The following DOCK8 variants were observed in gnomAD, a reference collection of about 807,000 sequenced individuals.
The protein encoded by DOCK8 is dedicator of cytokinesis protein 8.
A neutral mutation model predicts 245.6 loss-of-function variants in DOCK8; 141 were observed. The ratio of observed to expected loss-of-function variants is 0.57; its 90% confidence interval spans 0.50 to 0.66. The LOEUF (loss-of-function observed/expected upper bound fraction) is 0.66. DOCK8 is among the 30% of genes least tolerant of loss of function. DOCK8 has a pLI of 0.00. For synonymous variants in DOCK8, 1,168 were observed against 970.2 expected, an observed-to-expected ratio of 1.20 and a Z score of -3.79; for missense variants, 2,965 against 2,603.4, an observed-to-expected ratio of 1.14 and a Z score of -3.02.
chr9:260,557 AC>A (rs1297391619), intron 1 of DOCK8, among the ~76,000 whole-genome samples: 3 of 152,206 alleles, frequency 2.0e-5, no homozygotes, highest in African/African-American at 7.2e-5. Context: ...AAACACTTTC[AC>A]CCAGCAATTC....
At chr9:261,712 T>G (rs113503206) in intron 1 of DOCK8, among the ~76,000 whole-genome samples, 1 of 152,182 alleles carries the variant, frequency 6.6e-6, no homozygotes, top group East Asian at 1.9e-4. Context: ...TTATTGTAGT[T>G]GTGGATGTAA....
intron 28 of DOCK8, among the ~76,000 whole-genome samples, chr9:412,469 A>G (rs779881662): frequency 1.6e-4 from 25 of 152,138 alleles, no homozygotes; most frequent in Non-Finnish European, 3.2e-4. Context: ...AAAGAAGTAA[A>G]ACTATCTCTA....
intron 42 of DOCK8, among the ~76,000 whole-genome samples, chr9:442,293 C>T (rs151085368): frequency 1.3e-5 from 2 of 152,324 alleles, no homozygotes; most frequent in African/African-American, 2.4e-5. Flanking sequence ...AAAATTCAAT[C>T]AAGGTCATGT....
chr9:271,857 CTG>C (rs2048173206), intron 2 of DOCK8, 128 bp downstream of exon 2: 1 of 689,176 alleles, frequency 1.5e-6, no homozygotes, highest in Non-Finnish European at 2.5e-6. Flanking sequence ...GATCCTAACT[CTG>C]TGACTGTGTC....
chr9:214,672 GC>G, upstream of DOCK8: 1 of 1,593,244 alleles, frequency 6.3e-7, no homozygotes, highest in East Asian at 2.3e-5. Context: ...GAGGTCGGCG[GC>G]CCCGGGCAGA....
rs992546492 is a variant in DOCK8 at position 215,193 on chromosome 9, C to T, written c.53+164C>T. The stretch of plus-strand genomic sequence containing the variant: ...GTTCCCGAGGCTGCGGCGGTGGAGC[C>T]GCTGGACGCGCGGCGGCTCCTGCGC... On this transcript the variant is annotated intron_variant, in intron 1 of 47. Coordinates refer to ENST00000432829, the MANE Select transcript of DOCK8 (RefSeq NM_203447.4). 5 of 1,516,020 alleles carry T rather than the reference C, an allele frequency of 3.3e-6. No homozygotes were observed. In the Middle Eastern group the frequency reaches 5.3e-4, roughly 161 times the overall value. The allele number at this position is 1,516,020 out of a possible 1,614,324, so 93.9% of individuals were successfully genotyped here. A position where few individuals can be genotyped will look rare whatever the true frequency, so the allele number is the denominator to read the frequency against.
chr9:433,999 G>A (rs2056808309), intron 38 of DOCK8, 24 bp downstream of exon 38: 1 of 1,548,922 alleles, frequency 6.5e-7, no homozygotes, highest in Non-Finnish European at 8.9e-7. Flanking sequence ...ACACACTCAA[G>A]GGACACCATT....
chr9:328,444 T>G (rs892930514), intron 9 of DOCK8, among the ~76,000 whole-genome samples: 2 of 152,254 alleles, frequency 1.3e-5, no homozygotes, highest in South Asian at 4.1e-4. Context: ...TTTCTGAGAC[T>G]GAGTTTCCTC....
intron 2 of DOCK8, among the ~76,000 whole-genome samples, chr9:274,465 C>CT (rs71312800): frequency 1.0e-3 from 146 of 145,020 alleles, no homozygotes; most frequent in African/African-American, 2.6e-3. Flanking sequence ...GGATTGAATT[C>CT]TTTTTTTTTT....
At chr9:367,968 A>G in intron 14 of DOCK8, 50 bp from the exon 15 acceptor site, 1 of 1,483,522 alleles carries the variant, frequency 6.7e-7, no homozygotes, top group Non-Finnish European at 9.4e-7. Flanking sequence ...GAACTTAGTT[A>G]AAATAAACTC....
In DOCK8 at chr9:368,452, C is replaced by T. The variant is rs2053119612; in HGVS notation, c.1797+317C>T. The T allele has an allele frequency of 1.3e-5, 8 of 609,838 alleles. No individual in the cohort carries two copies. The South Asian group carries it at 1.4e-4, about 10-fold the overall frequency. The allele number at this position is 609,838 out of a possible 1,614,324, so 37.8% of individuals were successfully genotyped here. ...AAAGGCATACAAAGTAAAGAGATGG[C>T]TCAACACGTGCGCCATGTTTGCTGA... On this transcript the variant is annotated intron_variant, in intron 15 of 47. Coordinates refer to ENST00000432829, the MANE Select transcript of DOCK8 (RefSeq NM_203447.4).
At chr9:219,203 C>T (rs551283144) in intron 1 of DOCK8, among the ~76,000 whole-genome samples, 31 of 152,352 alleles carry the variant, frequency 2.0e-4, no homozygotes, top group African/African-American at 7.5e-4. Context: ...GGTGCACTGG[C>T]TCACGCCTGT....
rs572086908 is a variant in DOCK8, at chr9:218,056, A to G, written c.53+3027A>G. On this transcript the variant is annotated intron_variant, in intron 1 of 47. Coordinates refer to ENST00000432829, the MANE Select transcript of DOCK8 (RefSeq NM_203447.4). ...TCTGTTTCTGATTAGTGTTTAATAT[A>G]TAAACATTAACAATGTGATGTTTTG... 1.4e-4 allele frequency among the ~76,000 whole-genome samples: 21 copies of G among 152,330 alleles called. No homozygotes were observed. In the South Asian group the frequency reaches 2.7e-3, roughly 20 times the overall value.
Position 335,792 on chromosome 9 carries a change from G to T in DOCK8, c.1286-790G>T, listed in dbSNP as rs2051280926. On this transcript the variant is annotated intron_variant, in intron 11 of 47. Coordinates refer to ENST00000432829, the MANE Select transcript of DOCK8 (RefSeq NM_203447.4). ...AGATGTCATGTATTATACTGAGGCA[G>T]AATGGCAAGTTTAGGTGGGTAGAGG... Among the ~76,000 whole-genome samples the T allele has an allele frequency of 2.6e-5, 4 of 152,302 alleles. No individual in the cohort carries two copies. In the South Asian group the frequency reaches 8.3e-4, roughly 32 times the overall value.
intron 25 of DOCK8, among the ~76,000 whole-genome samples, chr9:398,448 T>C (rs1387359451): frequency 6.6e-6 from 1 of 152,206 alleles, no homozygotes; most frequent in Non-Finnish European, 1.5e-5. Flanking sequence ...TGATTTGTCA[T>C]TCTGAGAATA....
chr9:348,090 G>T (rs2051993641), intron 14 of DOCK8, among the ~76,000 whole-genome samples: 1 of 152,112 alleles, frequency 6.6e-6, no homozygotes, highest in Non-Finnish European at 1.5e-5. Context: ...ATTCTAGCCT[G>T]TCAGTTTCTG....
chr9:400,069 AT>A (rs2054725537), intron 26 of DOCK8, among the ~76,000 whole-genome samples: 2 of 77,002 alleles, frequency 2.6e-5, no homozygotes, highest in African/African-American at 1.3e-4. Context: ...CTCCTTCACC[AT>A]CACCATCACC....
chr9:226,264 C>G (rs1336903246), intron 1 of DOCK8, among the ~76,000 whole-genome samples: 1 of 152,098 alleles, frequency 6.6e-6, no homozygotes, highest in African/African-American at 2.4e-5. Context: ...TCTCGTGAGA[C>G]TTATTCACTA....
chr9:269,174 A>C (rs1421225107), intron 1 of DOCK8, among the ~76,000 whole-genome samples: 1 of 152,172 alleles, frequency 6.6e-6, no homozygotes, highest in African/African-American at 2.4e-5. Context: ...CATTACTCCA[A>C]ACAGAAACCC....
Sources: allele counts gnomAD v4.1 joint callset (sites outside exome capture counted in the v4.1 genomes callset), GRCh38; gene constraint gnomAD v4.1.1; transcripts MANE v1.5; gene names NCBI Gene and HGNC (gene_info 2026-07-23, HGNC 2026-07-21).